Variants in SERPINB9 observed in about 807,000 individuals in gnomAD.
SERPINB9 encodes serpin family B member 9, also known as serpin B9.
SERPINB9 carries 20 observed loss-of-function variants against 27.2 expected under a neutral mutation model. That is an observed-to-expected ratio of 0.74 (90% CI 0.52 to 1.07). The LOEUF (loss-of-function observed/expected upper bound fraction) is 1.07, where lower values mean the gene tolerates loss of function less well. Among genes scored for constraint, SERPINB9 ranks in the 50% least tolerant of loss-of-function variants. The pLI is 0.00. For synonymous variants in SERPINB9, 189 were observed against 180.0 expected (o/e 1.05, Z -0.40); for missense variants, 476 against 460.1 (o/e 1.03, Z -0.32).
At chr6:2,893,371 T>C in intron 5 of SERPINB9, 40 bp downstream of exon 5, 1 of 1,577,776 alleles carries the variant, frequency 6.3e-7, no homozygotes, top group South Asian at 1.2e-5. Flanking sequence ...CCATTCAACT[T>C]CTTCATCAAA....
intron 1 of SERPINB9, among the ~76,000 whole-genome samples, chr6:2,902,566 C>G (rs549879694): frequency 1.3e-5 from 2 of 152,310 alleles, no homozygotes; most frequent in East Asian, 3.9e-4. Context: ...GTCTGCCAGG[C>G]TGGAGTGCAG....
At chr6:2,892,105 TAAAAAAAA>T (rs535487251) in intron 5 of SERPINB9, 117 bp from the exon 6 acceptor site, 5,838 of 115,814 alleles carry the variant, frequency 0.05, 16 homozygotes, top group Middle Eastern at 0.089. Flanking sequence ...CAGTTAACAC[TAAAAAAAA>T]AAAAAAAAAA....
In SERPINB9 at chr6:2,898,151, TAA is replaced by T. The variant is rs1385843513; in HGVS notation, c.169-1963_169-1962del. ...TCACAATGAATGAACAAAAAAAAAA[TAA>T]GAGGGAGAGAGAGAATTACTTCTAA... On this transcript the variant is annotated intron_variant, in intron 2 of 6. Transcript: ENST00000380698. 2.0e-5 allele frequency among the ~76,000 whole-genome samples: 3 copies of T among 149,354 alleles called. No homozygotes were observed. In the East Asian group the frequency reaches 5.9e-4, roughly 30 times the overall value.
rs1028153487 is a variant in SERPINB9, at chr6:2,888,995, G to A, written c.*1168C>T. On this transcript the variant is annotated 3_prime_UTR_variant, in exon 7 of 7. Coordinates refer to ENST00000380698, the MANE Select transcript of SERPINB9 (RefSeq NM_004155.6). ...ACAGAGTCCCAACCTTTGGTTGTTG[G>A]AGGACTATCTAAGGATACAGAGATT... The A allele has an allele frequency of 3.9e-5, 6 of 152,158 alleles. No homozygotes were observed. The highest frequency in any genetic ancestry group is 1.4e-4 in the African/African-American group (6 of 41,414). The allele number at this position is 152,158 out of a possible 1,614,324, so 9.4% of individuals were successfully genotyped here.
At chr6:2,898,737 T>C (rs955682646) in intron 2 of SERPINB9, among the ~76,000 whole-genome samples, 3 of 151,208 alleles carry the variant, frequency 2.0e-5, no homozygotes, top group African/African-American at 7.3e-5. Flanking sequence ...TGGTGTGAAC[T>C]CGGGGGGTGG....
In SERPINB9 at chr6:2,900,332, CG is replaced by C. The variant is rs1312309377; in HGVS notation, c.168+111del. On this transcript the variant is annotated intron_variant, in intron 2 of 6. Transcript: ENST00000380698. ...CTCCCTGAAACGGCCAGTGCACACT[CG>C]GGCCCCAGTCCTGCCCTCCTTTCTC... 2 of 1,344,820 alleles carry C rather than the reference CG, an allele frequency of 1.5e-6. 1 individual carries two copies. The allele number at this position is 1,344,820 out of a possible 1,614,324, so 83.3% of individuals were successfully genotyped here.
Position 2,895,453 on chromosome 6 carries a change from A to T in SERPINB9, c.362T>A (p.Phe121Tyr). 1 of 1,613,834 alleles carries T rather than the reference A, an allele frequency of 6.2e-7. No homozygotes were observed. Among genetic ancestry groups the T allele is most frequent in the East Asian group, 2.2e-5 (1 of 44,878 alleles). Residue 121 changes from phenylalanine to tyrosine, a missense_variant, in exon 4 of 7, where the codon TTT (phenylalanine) becomes TAT (tyrosine). Transcript: ENST00000380698. ...FYHAELKELS[F>Y]IRAAEESRKH... Reference sequence around the variant, plus strand: ...CCTGGACTCTTCTGCAGCTCTGATAAAGGAAAGCTCCTTCAGCTCAGCATG... The same window carrying T: ...CCTGGACTCTTCTGCAGCTCTGATATAGGAAAGCTCCTTCAGCTCAGCATG...
chr6:2,901,730 C>T (rs966421865), intron 1 of SERPINB9, among the ~76,000 whole-genome samples: 1 of 152,098 alleles, frequency 6.6e-6, no homozygotes, highest in African/African-American at 2.4e-5. Flanking sequence ...CCTCCTCCCC[C>T]ACACCCATCC....
rs371261104 is a variant in SERPINB9 at position 2,888,269 on chromosome 6, A to T, written c.*1894T>A. The T allele has an allele frequency of 1.2e-4, 18 of 152,358 alleles. No homozygotes were observed. The East Asian group carries it at 3.3e-3, about 28-fold the overall frequency. The allele number at this position is 152,358 out of a possible 1,614,324, so 9.4% of individuals were successfully genotyped here. ...GAATGGTTCAACTGCTGTGGAAAAC[A>T]GTTTGTCTGTTCCTCAAAAAGCTAA... On this transcript the variant is annotated 3_prime_UTR_variant, in exon 7 of 7. Transcript: ENST00000380698.
intron 1 of SERPINB9, among the ~76,000 whole-genome samples, chr6:2,902,904 G>A (rs888194400): frequency 6.6e-6 from 1 of 152,226 alleles, no homozygotes; most frequent in Admixed American, 6.5e-5. Context: ...TGAGAACACA[G>A]GGCCGGCAGG....
chr6:2,891,071 C>T lies in SERPINB9; in HGVS notation c.724-501G>A, dbSNP rs1427324365. Among the ~76,000 whole-genome samples the T allele has an allele frequency of 1.3e-5, 2 of 152,196 alleles. No homozygotes were observed. Among genetic ancestry groups the T allele is most frequent in the Non-Finnish European group, 2.9e-5 (2 of 68,030 alleles). On this transcript the variant is annotated intron_variant, in intron 6 of 6. Transcript: ENST00000380698. This position sits in a 1 kb window ranked among gnomAD's most constrained non-coding sequence, Gnocchi z 4.0. ...GAGAGATTCTGCATAGTTTCCGGAGCATAGTTTCAGGAAGGTGGGCAGAGG... is the reference window on the plus strand; with the variant it reads ...GAGAGATTCTGCATAGTTTCCGGAGTATAGTTTCAGGAAGGTGGGCAGAGG...
In SERPINB9 at chr6:2,900,489, C is replaced by G; in HGVS notation, c.123G>C (p.Met41Ile). The G allele has an allele frequency of 6.2e-7, 1 of 1,614,150 alleles. No homozygotes were observed. The highest frequency in any genetic ancestry group is 8.5e-7 in the Non-Finnish European group (1 of 1,180,030). Residue 41 changes from methionine to isoleucine, a missense_variant, in exon 2 of 7, where the codon ATG (methionine) becomes ATC (isoleucine). Coordinates refer to ENST00000380698, the MANE Select transcript of SERPINB9 (RefSeq NM_004155.6). The part of the protein sequence containing the change: ...SPVSISSALA[M>I]VLLGAKGNTA... The stretch of plus-strand genomic sequence containing the variant: ...TGTTTCCCTTTGCCCCTAGGAGAAC[C>G]ATGGCCAGGGCAGAGGAGATGCTCA...
chr6:2,893,505 C>T lies in SERPINB9; in HGVS notation c.473G>A (p.Arg158Lys). 1.2e-6 allele frequency: 2 copies of T among 1,612,814 alleles called. No individual in the cohort carries two copies. The highest frequency in any genetic ancestry group is 1.7e-6 in the Non-Finnish European group (2 of 1,179,348). The change falls in exon 5 of 7, where the codon AGG becomes AAG. Residue 158 changes from arginine (R) to lysine (K), a missense_variant. Transcript: ENST00000380698. ...LPGSSIDAET[R>K]LVLVNAIYFK... ...GTAGATGGCATTGACAAGAACCAGC[C>T]TGGTTTCTGCATCAATTGAGCTACC...
chr6:2,894,936 T>C lies in SERPINB9; in HGVS notation c.424+455A>G, dbSNP rs1304847723. 2.2e-5 allele frequency among the ~76,000 whole-genome samples: 2 copies of C among 91,634 alleles called. No individual in the cohort carries two copies. The highest frequency in any genetic ancestry group is 8.0e-4 in the East Asian group (2 of 2,506). The allele number at this position is 91,634 out of a possible 152,430, so 60.1% of individuals were successfully genotyped here. On this transcript the variant is annotated intron_variant, in intron 4 of 6. Coordinates refer to ENST00000380698, the MANE Select transcript of SERPINB9 (RefSeq NM_004155.6). The surrounding 1 kb of genome is among the most constrained non-coding windows in gnomAD (Gnocchi z 4.7). ...ATTTTTGTATTTTTAGTAGAGATGT[T>C]GGGCGGGGGGGGGTCCCACCATGTT... is the stretch of plus-strand genomic sequence containing the variant.
intron 1 of SERPINB9, among the ~76,000 whole-genome samples, chr6:2,901,505 C>T (rs1409275994): frequency 1.3e-5 from 2 of 152,102 alleles, no homozygotes; most frequent in South Asian, 4.1e-4. Flanking sequence ...AAGAAACAGC[C>T]CAAGGTGAGG....
chr6:2,900,885 T>TCTCTCACTCACACACACACACACACA (rs61100591), intron 1 of SERPINB9, among the ~76,000 whole-genome samples: 16 of 141,572 alleles, frequency 1.1e-4, no homozygotes, highest in African/African-American at 4.2e-4. Context: ...GCTCGCTCTC[T>TCTCTCACTCACACACACACACACACA]CACACACACA....
chr6:2,894,202 C>T lies in SERPINB9; in HGVS notation c.425-649G>A, dbSNP rs182806785. On this transcript the variant is annotated intron_variant, in intron 4 of 6. Transcript: ENST00000380698. The surrounding 1 kb of genome is among the most constrained non-coding windows in gnomAD (Gnocchi z 4.7). ...AAGAGAGCATCCGTGGTAAATACTC[C>T]AAGCAGGAATGCGGGAAACAACTGC... 1.3e-5 allele frequency among the ~76,000 whole-genome samples: 2 copies of T among 152,236 alleles called. No individual in the cohort carries two copies. The highest frequency in any genetic ancestry group is 3.9e-4 in the East Asian group (2 of 5,172).
At chr6:2,899,044 C>A (rs1377956460) in intron 2 of SERPINB9, among the ~76,000 whole-genome samples, 1 of 152,100 alleles carries the variant, frequency 6.6e-6, no homozygotes, top group African/African-American at 2.4e-5. Context: ...AACGTGTACT[C>A]AGTATGTTTG....
chr6:2,901,162 T>C (rs148145207), intron 1 of SERPINB9, among the ~76,000 whole-genome samples: 35 of 152,278 alleles, frequency 2.3e-4, no homozygotes, highest in Admixed American at 1.6e-3. Context: ...CTGTCATCCA[T>C]AGAGGCAAGT....
Sources: gnomAD v4.1 joint callset for allele counts (sites outside exome capture counted in the v4.1 genomes callset) on GRCh38, gnomAD v4.1.1 for gene constraint, Gnocchi (gnomAD v3.1) non-coding constraint, MANE v1.5 for transcripts, NCBI Gene and HGNC (gene_info 2026-07-23, HGNC 2026-07-21) for gene names.